CREB5: variants seen among roughly 807,000 people sequenced by gnomAD.
CREB5 encodes cyclic AMP-responsive element-binding protein 5.
A neutral mutation model predicts 57.1 loss-of-function variants in CREB5; 19 were observed. The ratio of observed to expected loss-of-function variants is 0.33; its 90% CI spans 0.23 to 0.49. The LOEUF (loss-of-function observed/expected upper bound fraction) is 0.49. CREB5 is among the 20% of genes least tolerant of loss of function. The pLI, the probability that CREB5 is intolerant of heterozygous loss-of-function variation, is 0.99. For missense variants in CREB5, 579 were observed against 671.6 expected, an observed-to-expected ratio of 0.86 and a Z score of 1.52; for synonymous variants, 238 against 238.3, an observed-to-expected ratio of 1.00 and a Z score of 0.01.
At chr7:28,543,535 A>G (rs1794295645) in intron 4 of CREB5, among the ~76,000 whole-genome samples, 1 of 151,046 alleles carries the variant, frequency 6.6e-6, no homozygotes, top group Non-Finnish European at 1.5e-5. Context: ...GTACATAACA[A>G]TACCAGCCAT....
intron 1 of CREB5, among the ~76,000 whole-genome samples, chr7:28,312,029 C>T (rs1785289119): frequency 1.3e-5 from 2 of 152,084 alleles, no homozygotes; most frequent in Non-Finnish European, 2.9e-5. Context: ...CCCTTTTGTT[C>T]TTCTACCTCA....
In CREB5 at chr7:28,560,891, T is replaced by TGCGTGCGTGC. The variant is rs1314317818; in HGVS notation, c.292-9473_292-9472insCGTGCGTGCG. 3.5e-4 allele frequency among the ~76,000 whole-genome samples: 7 copies of TGCGTGCGTGC among 19,726 alleles called. 1 individual carries two copies. The highest frequency in any genetic ancestry group is 1.5e-3 in the African/African-American group (7 of 4,538). 12.9% of individuals were successfully genotyped at this position (19,726 alleles called of 152,430 possible). On this transcript the variant is annotated intron_variant, in intron 4 of 10. Transcript: ENST00000357727. Reference sequence around the variant, plus strand: ...CTGCGTGCGCGTGCGTGCGTGCGTGTGTGTGCGTGCGCGCGTGCGTGTGCG... The same window carrying TGCGTGCGTGC: ...CTGCGTGCGCGTGCGTGCGTGCGTGTGCGTGCGTGCGTGTGCGTGCGCGCGTGCGTGTGCG...
upstream of CREB5, chr7:28,410,518 A>G (rs1381170069): frequency 1.1e-5 from 5 of 456,510 alleles, no homozygotes; most frequent in Non-Finnish European, 2.2e-5. Context: ...TCTTTGCCAT[A>G]GATTTATTTT....
At chr7:28,609,294 T>G (rs1797297081) in intron 5 of CREB5, among the ~76,000 whole-genome samples, 1 of 152,214 alleles carries the variant, frequency 6.6e-6, no homozygotes, top group Non-Finnish European at 1.5e-5. Context: ...AGTCTGTCCA[T>G]TGCTTTGGAC....
intron 7 of CREB5, among the ~76,000 whole-genome samples, chr7:28,747,750 C>G (rs192281070): frequency 6.6e-6 from 1 of 152,322 alleles, no homozygotes; most frequent in East Asian, 1.9e-4. Flanking sequence ...GATGGCAAAG[C>G]GTATCCTGAC....
intron 1 of CREB5, among the ~76,000 whole-genome samples, chr7:28,399,807 G>A (rs1787416236): frequency 6.6e-6 from 1 of 152,132 alleles, no homozygotes; most frequent in Admixed American, 6.5e-5. Flanking sequence ...TGTAATCCCA[G>A]CACTTTGGGA....
At position 28,570,500 on chromosome 7, in the gene CREB5, G is replaced by A. The variant is rs1795656499; in HGVS notation, c.427G>A (p.Val143Ile). 6.2e-7 allele frequency: 1 copy of A among 1,614,014 alleles called. No individual in the cohort carries two copies. The highest frequency in any genetic ancestry group is 8.5e-7 in the Non-Finnish European group (1 of 1,179,972). Residue 143 changes from valine to isoleucine, a missense_variant, in exon 5 of 11, where the codon GTC becomes ATC. Physicochemically the swap from Val to Ile is conservative, Grantham distance 29. Transcript: ENST00000357727. ...CATGCCGTCGCCTCAGTCCAGCTCTGTCATCACTCAGGCACCTTCCACCAA... is the reference window on the plus strand; with the variant it reads ...CATGCCGTCGCCTCAGTCCAGCTCTATCATCACTCAGGCACCTTCCACCAA... ...QAMPSPQSSS[V>I]ITQAPSTNRQ...
At chr7:28,604,550 A>G (rs75792931) in intron 5 of CREB5, among the ~76,000 whole-genome samples, 2,585 of 152,144 alleles carry the variant, frequency 0.017, 92 homozygotes, top group East Asian at 0.16. Flanking sequence ...AATGTATCCA[A>G]TTGAGGAACT....
intron 1 of CREB5, among the ~76,000 whole-genome samples, chr7:28,353,625 C>T (rs908924978): frequency 2.0e-5 from 3 of 151,850 alleles, no homozygotes; most frequent in African/African-American, 7.3e-5. Context: ...GGGCAGATCA[C>T]GAGGTCAGGA....
chr7:28,465,866 G>A (rs1183883421), intron 1 of CREB5, among the ~76,000 whole-genome samples: 3 of 152,154 alleles, frequency 2.0e-5, no homozygotes, highest in African/African-American at 7.2e-5. Context: ...ATACAGTGTG[G>A]CTTTGAAGTG....
intron 7 of CREB5, among the ~76,000 whole-genome samples, chr7:28,780,048 G>C (rs369147390): frequency 6.6e-6 from 1 of 152,142 alleles, no homozygotes; most frequent in Non-Finnish European, 1.5e-5. Flanking sequence ...GGATTACAGG[G>C]CATGAGCCAC....
intron 5 of CREB5, among the ~76,000 whole-genome samples, chr7:28,673,840 A>AT (rs1472284634): frequency 2.0e-5 from 3 of 151,020 alleles, no homozygotes; most frequent in Non-Finnish European, 3.0e-5. Flanking sequence ...CACTCAACTA[A>AT]TTTTTGTATT....
At chr7:28,328,806 C>G (rs1165642807) in intron 1 of CREB5, among the ~76,000 whole-genome samples, 1 of 152,108 alleles carries the variant, frequency 6.6e-6, no homozygotes, top group Non-Finnish European at 1.5e-5. Flanking sequence ...TATTCACAAG[C>G]GGCTGGCAAA....
intron 1 of CREB5, among the ~76,000 whole-genome samples, chr7:28,359,403 C>T (rs1405774532): frequency 6.6e-6 from 1 of 152,128 alleles, no homozygotes; most frequent in African/African-American, 2.4e-5. Flanking sequence ...TGTGAAAGTA[C>T]TTTGTAAATC....
At chr7:28,632,099 C>G (rs141872230) in intron 5 of CREB5, among the ~76,000 whole-genome samples, 1 of 152,154 alleles carries the variant, frequency 6.6e-6, no homozygotes, top group Non-Finnish European at 1.5e-5. Flanking sequence ...CAGCTTGGAC[C>G]GTGTTCTTCC....
rs149869033 is a variant in CREB5, at chr7:28,715,851, G to A, written c.465-2902G>A. 9.0e-4 allele frequency among the ~76,000 whole-genome samples: 137 copies of A among 152,160 alleles called. 1 individual carries two copies. The highest frequency in any genetic ancestry group is 1.7e-3 in the Non-Finnish European group (114 of 67,998). Reference sequence around the variant, plus strand: ...CTATACACTACTAATTAGCTTGATCGATATCATTAGGAAATTATTATTATA... The same window carrying A: ...CTATACACTACTAATTAGCTTGATCAATATCATTAGGAAATTATTATTATA... On this transcript the variant is annotated intron_variant, in intron 5 of 10. Coordinates refer to ENST00000357727, the MANE Select transcript of CREB5 (RefSeq NM_182898.4).
intron 1 of CREB5, among the ~76,000 whole-genome samples, chr7:28,342,887 C>T (rs1411519197): frequency 6.6e-6 from 1 of 151,894 alleles, no homozygotes; most frequent in Admixed American, 6.5e-5. Context: ...TCTATCATTT[C>T]TTTGTGGTGA....
At chr7:28,671,860 A>T (rs573119507) in intron 5 of CREB5, among the ~76,000 whole-genome samples, 1 of 152,278 alleles carries the variant, frequency 6.6e-6, no homozygotes, top group East Asian at 1.9e-4. Flanking sequence ...ATGTGAAGAG[A>T]CCTTACAGAT....
intron 1 of CREB5, among the ~76,000 whole-genome samples, chr7:28,319,777 G>A (rs1785458023): frequency 6.6e-6 from 1 of 152,066 alleles, no homozygotes; most frequent in South Asian, 2.1e-4. Flanking sequence ...ATGTGCTTGG[G>A]GTAATGTGTT....
Sources: gnomAD v4.1 joint callset for allele counts (sites outside exome capture counted in the v4.1 genomes callset) on GRCh38, gnomAD v4.1.1 for gene constraint, MANE v1.5 for transcripts, NCBI Gene and HGNC (gene_info 2026-07-23, HGNC 2026-07-21) for gene names.